The following RAP1A variants were observed in gnomAD, a reference collection of about 807,000 sequenced individuals.
RAP1A encodes the protein ras-related protein Rap-1A.
RAP1A carries 6 observed loss-of-function variants against 26.4 expected under a neutral mutation model. The observed-to-expected ratio is 0.23, with a 90% CI of 0.12 to 0.45. The LOEUF is 0.45. RAP1A is among the 20% of genes least tolerant of loss of function. The pLI is 0.99. For synonymous variants in RAP1A, 73 were observed against 79.4 expected, an observed-to-expected ratio of 0.92 and a Z score of 0.43; for missense variants, 121 against 217.2, an observed-to-expected ratio of 0.56 and a Z score of 2.78.
intron 1 of RAP1A, among the ~76,000 whole-genome samples, chr1:111,607,199 T>G (rs1310727720): frequency 1.3e-5 from 2 of 151,468 alleles, no homozygotes; most frequent in Non-Finnish European, 3.0e-5. Context: ...CCTGGGTACT[T>G]GAGATTAGGG....
intron 1 of RAP1A, among the ~76,000 whole-genome samples, chr1:111,549,966 T>C (rs1657196509): frequency 1.3e-5 from 2 of 152,168 alleles, no homozygotes; most frequent in Non-Finnish European, 2.9e-5. Flanking sequence ...TTTGGGTTTT[T>C]TTGTTGGAAG....
chr1:111,664,876 G>A (rs935789682), intron 1 of RAP1A, among the ~76,000 whole-genome samples: 2 of 152,160 alleles, frequency 1.3e-5, no homozygotes, highest in African/African-American at 2.4e-5. Flanking sequence ...CACATGGTAA[G>A]CACTCAGTAA....
chr1:111,594,471 CAAA>C (rs1186320375), intron 1 of RAP1A, among the ~76,000 whole-genome samples: 1 of 115,580 alleles, frequency 8.7e-6, no homozygotes, highest in African/African-American at 3.3e-5. Flanking sequence ...GAGAGATAGA[CAAA>C]AAACGGAAGG....
intron 1 of RAP1A, among the ~76,000 whole-genome samples, chr1:111,690,715 A>C (rs925369543): frequency 1.3e-5 from 2 of 152,230 alleles, no homozygotes; most frequent in Non-Finnish European, 1.5e-5. Context: ...TAAGATAATC[A>C]TGGAGACAAA....
Position 111,643,823 on chromosome 1 carries a change from CAT to C in RAP1A, c.-28+23890_-28+23891del, listed in dbSNP as rs1433714210. The stretch of plus-strand genomic sequence containing the variant: ...CACACATTCACATACCATACACACA[CAT>C]GCATACATTATGTAAATAAAGATAC... On this transcript the variant is annotated intron_variant, in intron 1 of 7. Coordinates refer to ENST00000369709, the MANE Select transcript of RAP1A (RefSeq NM_002884.4). 2.6e-5 allele frequency among the ~76,000 whole-genome samples: 4 copies of C among 152,330 alleles called. No individual in the cohort carries two copies. The East Asian group carries it at 7.7e-4, about 29-fold the overall frequency.
intron 1 of RAP1A, among the ~76,000 whole-genome samples, chr1:111,672,945 T>C (rs1193480048): frequency 3.3e-5 from 5 of 152,208 alleles, no homozygotes; most frequent in Admixed American, 6.5e-5. Context: ...GGAAATGTTA[T>C]TCTGCTGTTA....
intron 1 of RAP1A, among the ~76,000 whole-genome samples, chr1:111,602,531 G>A (rs1259503131): frequency 6.6e-6 from 1 of 152,092 alleles, no homozygotes; most frequent in East Asian, 1.9e-4. Context: ...TGTGGGGTGG[G>A]ACATTCATCA....
At chr1:111,702,604 G>A (rs1662057907) in intron 4 of RAP1A, among the ~76,000 whole-genome samples, 1 of 148,114 alleles carries the variant, frequency 6.8e-6, no homozygotes, top group African/African-American at 2.5e-5. Flanking sequence ...TTTCACTCTT[G>A]TTGCCCAGGC....
chr1:111,641,051 G>T (rs893434133), intron 1 of RAP1A, among the ~76,000 whole-genome samples: 2 of 152,144 alleles, frequency 1.3e-5, no homozygotes, highest in African/African-American at 2.4e-5. Context: ...ATCAAGAAAA[G>T]AATGCAAATG....
In RAP1A at chr1:111,626,375, A is replaced by ACG. The variant is rs1048102026; in HGVS notation, c.-28+6442_-28+6443insGC. ...CTTTTCTGCATATGTATACATACAC[A>ACG]CACACACACACACACACACACACAC... On this transcript the variant is annotated intron_variant, in intron 1 of 7. Coordinates refer to ENST00000369709, the MANE Select transcript of RAP1A (RefSeq NM_002884.4). Among the ~76,000 whole-genome samples the ACG allele has an allele frequency of 1.0e-4, 6 of 57,300 alleles. No individual in the cohort carries two copies. The Middle Eastern group carries it at 0.018, about 175-fold the overall frequency. The allele number at this position is 57,300 out of a possible 152,430, so 37.6% of individuals were successfully genotyped here.
chr1:111,636,704 C>T (rs1311425033), intron 1 of RAP1A, among the ~76,000 whole-genome samples: 1 of 151,222 alleles, frequency 6.6e-6, no homozygotes, highest in African/African-American at 2.5e-5. Context: ...GCTGAGTCTC[C>T]CCACCTCAGG....
intron 1 of RAP1A, among the ~76,000 whole-genome samples, chr1:111,639,957 C>A (rs1659844490): frequency 6.6e-6 from 1 of 152,178 alleles, no homozygotes; most frequent in Admixed American, 6.5e-5. Context: ...TCGAGGTTTA[C>A]CATTTAACTA....
chr1:111,678,908 A>G (rs538071486), intron 1 of RAP1A, among the ~76,000 whole-genome samples: 7 of 152,158 alleles, frequency 4.6e-5, no homozygotes, highest in African/African-American at 7.2e-5. Flanking sequence ...CCTTTTGCAT[A>G]TGTACTATAC....
At chr1:111,570,481 G>T (rs1466755725) in intron 1 of RAP1A, among the ~76,000 whole-genome samples, 2 of 152,160 alleles carry the variant, frequency 1.3e-5, no homozygotes, top group East Asian at 3.9e-4. Context: ...GATGCCAAAT[G>T]TGGGGGAGCA....
intron 1 of RAP1A, among the ~76,000 whole-genome samples, chr1:111,660,620 G>A (rs1660603701): frequency 6.6e-6 from 1 of 152,064 alleles, no homozygotes; most frequent in Admixed American, 6.6e-5. Flanking sequence ...TCCTGATTCT[G>A]CCCTTGACCT....
At chr1:111,677,680 G>A (rs1661170138) in intron 1 of RAP1A, among the ~76,000 whole-genome samples, 1 of 152,156 alleles carries the variant, frequency 6.6e-6, no homozygotes, top group Non-Finnish European at 1.5e-5. Context: ...CACCTGACAT[G>A]GTGACTGGCT....
intron 1 of RAP1A, among the ~76,000 whole-genome samples, chr1:111,564,909 C>T (rs1298621235): frequency 1.3e-5 from 2 of 152,014 alleles, no homozygotes; most frequent in Non-Finnish European, 2.9e-5. Flanking sequence ...ATGAAACTTG[C>T]ATTACAGTCA....
chr1:111,568,494 A>G (rs1252618369), intron 1 of RAP1A, among the ~76,000 whole-genome samples: 2 of 152,126 alleles, frequency 1.3e-5, no homozygotes, highest in Non-Finnish European at 2.9e-5. Flanking sequence ...CCATGATCCA[A>G]TCACTTCCCA....
rs146723104 is a variant in RAP1A at position 111,693,683 on chromosome 1, C to A, written c.58-1658C>A. Among the ~76,000 whole-genome samples the A allele has an allele frequency of 4.6e-5, 7 of 152,250 alleles. No homozygotes were observed. In the East Asian group the frequency reaches 1.4e-3, roughly 29 times the overall value. Reference sequence around the variant, plus strand: ...TATAGAAGGCACATGGGCTCTTTTGCCTGCTTCTGTATCCAGTCTCTTTCA... The same window carrying A: ...TATAGAAGGCACATGGGCTCTTTTGACTGCTTCTGTATCCAGTCTCTTTCA... On this transcript the variant is annotated intron_variant, in intron 2 of 7. Transcript: ENST00000369709.
Sources: allele counts gnomAD v4.1 joint callset (sites outside exome capture counted in the v4.1 genomes callset), GRCh38; gene constraint gnomAD v4.1.1; transcripts MANE v1.5; gene names NCBI Gene and HGNC (gene_info 2026-07-23, HGNC 2026-07-21).